EPHA6: variants seen among roughly 807,000 people sequenced by gnomAD.
The protein encoded by EPHA6 is ephrin type-A receptor 6.
Under a neutral mutation model 112.0 loss-of-function variants are expected in EPHA6, and 50 were observed. The observed-to-expected ratio is 0.45, with a 90% CI of 0.36 to 0.56. The LOEUF (loss-of-function observed/expected upper bound fraction) is 0.56. EPHA6 is among the 20% of genes least tolerant of loss of function. The probability of loss-of-function intolerance (pLI) is 0.00; values close to 1 mark genes in which losing one functional copy is unlikely to be tolerated. For missense variants in EPHA6, 1,280 were observed against 1,417.4 expected, an observed-to-expected ratio of 0.90 and a Z score of 1.56; for synonymous variants, 529 against 490.7, an observed-to-expected ratio of 1.08 and a Z score of -1.03.
intron 12 of EPHA6, among the ~76,000 whole-genome samples, chr3:97,597,513 G>A (rs535143809): frequency 6.6e-6 from 1 of 152,134 alleles, no homozygotes; most frequent in Non-Finnish European, 1.5e-5. Context: ...CAAATACCAA[G>A]CATTTTGACA....
chr3:97,617,268 C>T (rs2093774669), intron 13 of EPHA6, among the ~76,000 whole-genome samples: 1 of 152,060 alleles, frequency 6.6e-6, no homozygotes, highest in African/African-American at 2.4e-5. Flanking sequence ...ATAAGAGCTC[C>T]TGAAGGAAGC....
At chr3:97,480,223 TTTTA>T (rs930258434) in intron 9 of EPHA6, among the ~76,000 whole-genome samples, 38 of 152,036 alleles carry the variant, frequency 2.5e-4, no homozygotes, top group Admixed American at 9.8e-4. Context: ...TTTTCTTTCT[TTTTA>T]TTTATTTATT....
chr3:97,002,311 A>G (rs1186544265), intron 3 of EPHA6, among the ~76,000 whole-genome samples: 1 of 151,172 alleles, frequency 6.6e-6, no homozygotes, highest in Non-Finnish European at 1.5e-5. Context: ...CACTATGGAG[A>G]TGAAGTATTA....
intron 3 of EPHA6, among the ~76,000 whole-genome samples, chr3:97,011,907 G>A (rs577174014): frequency 5.9e-5 from 9 of 152,276 alleles, no homozygotes; most frequent in African/African-American, 9.6e-5. Context: ...TTATAAGTAA[G>A]TATGGTTTTC....
At chr3:96,930,981 G>A (rs2040284409) in intron 2 of EPHA6, among the ~76,000 whole-genome samples, 1 of 94,748 alleles carries the variant, frequency 1.1e-5, no homozygotes, top group African/African-American at 4.5e-5. Context: ...GACAGAGTGA[G>A]ACTCTGTCTC....
chr3:97,182,913 A>C (rs28495186), intron 3 of EPHA6, among the ~76,000 whole-genome samples: 1,695 of 152,206 alleles, frequency 0.011, 24 homozygotes, highest in African/African-American at 0.038. Flanking sequence ...AGAATAGATA[A>C]AGACAAAAAT....
Position 97,627,315 on chromosome 3 carries a change from T to G in EPHA6, c.2575-10558T>G, listed in dbSNP as rs570256806. 3.9e-5 allele frequency among the ~76,000 whole-genome samples: 6 copies of G among 152,000 alleles called. No individual in the cohort carries two copies. In the East Asian group the frequency reaches 7.8e-4, roughly 20 times the overall value. ...AGCAAAATATATGGTAAGTCAGATG[T>G]TATTATTGCTGTGGAGAAAAATAAA... is the stretch of plus-strand genomic sequence containing the variant. On this transcript the variant is annotated intron_variant, in intron 13 of 17. Coordinates refer to ENST00000389672, the MANE Select transcript of EPHA6 (RefSeq NM_001080448.3).
At chr3:96,990,654 G>A (rs1276293402) in intron 3 of EPHA6, among the ~76,000 whole-genome samples, 2 of 152,134 alleles carry the variant, frequency 1.3e-5, no homozygotes, top group African/African-American at 2.4e-5. Flanking sequence ...CAGAGTGGAT[G>A]TGGAGACTAC....
intron 5 of EPHA6, among the ~76,000 whole-genome samples, chr3:97,343,114 T>C (rs1479170696): frequency 6.6e-6 from 1 of 152,188 alleles, no homozygotes; most frequent in Admixed American, 6.5e-5. Flanking sequence ...AAGAAAGCTG[T>C]AGAGAAAGCC....
intron 14 of EPHA6, among the ~76,000 whole-genome samples, chr3:97,667,341 C>T (rs1333102640): frequency 6.6e-6 from 1 of 152,140 alleles, no homozygotes; most frequent in Non-Finnish European, 1.5e-5. Context: ...AAATCTGTTA[C>T]TTTTGTTGAA....
chr3:97,051,407 C>T (rs2045681272), intron 3 of EPHA6, among the ~76,000 whole-genome samples: 1 of 152,122 alleles, frequency 6.6e-6, no homozygotes, highest in Non-Finnish European at 1.5e-5. Flanking sequence ...TAGGAAATGG[C>T]TGTTTTGTAG....
intron 14 of EPHA6, among the ~76,000 whole-genome samples, chr3:97,641,690 G>A (rs1037892621): frequency 2.0e-5 from 3 of 152,212 alleles, no homozygotes; most frequent in Admixed American, 6.5e-5. Context: ...GACGCACCTG[G>A]AAAATCGGGT....
chr3:97,420,295 A>G (rs1034446777), intron 6 of EPHA6, among the ~76,000 whole-genome samples: 4 of 124,458 alleles, frequency 3.2e-5, no homozygotes, highest in African/African-American at 1.6e-4. Flanking sequence ...TTGATTCTTA[A>G]AAAAAAAAAG....
chr3:97,330,644 A>C (rs1189145287), intron 5 of EPHA6, among the ~76,000 whole-genome samples: 2 of 152,136 alleles, frequency 1.3e-5, no homozygotes, highest in Non-Finnish European at 2.9e-5. Context: ...CAAAAGAGAC[A>C]AAGAAGGCTA....
intron 5 of EPHA6, among the ~76,000 whole-genome samples, chr3:97,257,487 A>G (rs1217628494): frequency 6.6e-6 from 1 of 152,042 alleles, no homozygotes; most frequent in Non-Finnish European, 1.5e-5. Context: ...CAGTAATGGT[A>G]GGCAATGTTT....
intron 2 of EPHA6, among the ~76,000 whole-genome samples, chr3:96,940,506 T>C (rs971232454): frequency 2.0e-5 from 3 of 152,190 alleles, no homozygotes; most frequent in Non-Finnish European, 1.5e-5. Context: ...GCACGTGAGA[T>C]GGGTTTCCTG....
intron 3 of EPHA6, among the ~76,000 whole-genome samples, chr3:97,146,956 A>G (rs918792642): frequency 1.4e-4 from 22 of 151,890 alleles, no homozygotes; most frequent in Non-Finnish European, 2.7e-4. Context: ...TGCAAATCTT[A>G]TTTGTCATGC....
chr3:96,940,384 G>GT (rs1189205641), intron 2 of EPHA6, among the ~76,000 whole-genome samples: 1 of 152,072 alleles, frequency 6.6e-6, no homozygotes, highest in African/African-American at 2.4e-5. Flanking sequence ...ATCTTTGTTA[G>GT]TTTAAAGTCT....
intron 1 of EPHA6, among the ~76,000 whole-genome samples, chr3:96,864,814 A>G (rs2036213309): frequency 6.6e-6 from 1 of 152,130 alleles, no homozygotes; most frequent in Non-Finnish European, 1.5e-5. Flanking sequence ...CTTCTTTTCA[A>G]ATGAGACAAT....
Sources: gnomAD v4.1 joint callset for allele counts (sites outside exome capture counted in the v4.1 genomes callset) on GRCh38, gnomAD v4.1.1 for gene constraint, MANE v1.5 for transcripts, NCBI Gene and HGNC (gene_info 2026-07-23, HGNC 2026-07-21) for gene names.